The following CFH variants were observed in gnomAD, a reference collection of about 807,000 sequenced individuals.
CFH encodes H factor 1 (complement).
A neutral mutation model predicts 147.3 loss-of-function variants in CFH; 53 were observed. The observed-to-expected ratio is 0.36, with a 90% CI of 0.29 to 0.45. The LOEUF (loss-of-function observed/expected upper bound fraction) is 0.45, where lower values mean the gene tolerates loss of function less well. Ranked by LOEUF, CFH falls within the 20% of genes least tolerant of loss-of-function variation. The pLI, the probability that CFH is intolerant of heterozygous loss-of-function variation, is 1.00. For missense variants in CFH, 1,380 were observed against 1,498.0 expected (o/e 0.92, Z 1.30); for synonymous variants, 536 against 489.4 (o/e 1.10, Z -1.26).
intron 9 of CFH, among the ~76,000 whole-genome samples, chr1:196,702,130 G>T (rs186554992): frequency 1.1e-4 from 17 of 152,252 alleles, no homozygotes; most frequent in African/African-American, 3.6e-4. Flanking sequence ...TGCTATGATG[G>T]TTCAGTTAAA....
chr1:196,741,474 G>C, intron 18 of CFH: 2 of 245,344 alleles, frequency 8.2e-6, no homozygotes, highest in Non-Finnish European at 1.6e-5. Context: ...CAGCATGTGG[G>C]AAACTGCCAC....
intron 1 of CFH, among the ~76,000 whole-genome samples, chr1:196,670,095 G>T (rs1249985453): frequency 6.6e-6 from 1 of 152,172 alleles, no homozygotes; most frequent in African/African-American, 2.4e-5. Flanking sequence ...TGGTCCCTTT[G>T]TTTTAGCCAA....
In CFH at chr1:196,673,179, AT is replaced by A; in HGVS notation, c.244+19del. On this transcript the variant is annotated intron_variant, in intron 2 of 21. Coordinates refer to ENST00000367429, the MANE Select transcript of CFH (RefSeq NM_000186.4). The stretch of plus-strand genomic sequence containing the variant: ...AAATGTCAGAGTAAGTACTTAATAC[AT>A]TTGTGAAATTTATGAAAACTAGGTG... The A allele has an allele frequency of 6.2e-7, 1 of 1,606,178 alleles. No homozygotes were observed. Among genetic ancestry groups the A allele is most frequent in the Non-Finnish European group, 8.5e-7 (1 of 1,173,394 alleles).
intron 6 of CFH, 23 bp downstream of exon 6, chr1:196,679,816 G>A: frequency 6.3e-7 from 1 of 1,597,376 alleles, no homozygotes; most frequent in Non-Finnish European, 8.6e-7. Flanking sequence ...TTATTTTCTG[G>A]ATCTTTATAA....
rs1432097729 is a variant in CFH, at chr1:196,674,319, A to G, written c.350+357A>G. On this transcript the variant is annotated intron_variant, in intron 3 of 21. Coordinates refer to ENST00000367429, the MANE Select transcript of CFH (RefSeq NM_000186.4). Reference sequence around the variant, plus strand: ...ACAATAGGAATTGTAACCAATTTATATTGTATGGTAACTGTTTTGACAGGT... The same window carrying G: ...ACAATAGGAATTGTAACCAATTTATGTTGTATGGTAACTGTTTTGACAGGT... 2.0e-5 allele frequency among the ~76,000 whole-genome samples: 3 copies of G among 152,204 alleles called. No individual in the cohort carries two copies. In the East Asian group the frequency reaches 5.8e-4, roughly 29 times the overall value.
chr1:196,724,126 A>G (rs1458143761), intron 11 of CFH, among the ~76,000 whole-genome samples: 1 of 151,962 alleles, frequency 6.6e-6, no homozygotes, highest in African/African-American at 2.4e-5. Flanking sequence ...CTTTGCCACA[A>G]GGGGTGTTCC....
chr1:196,705,257 G>T (rs1668559346), intron 9 of CFH, among the ~76,000 whole-genome samples: 1 of 151,384 alleles, frequency 6.6e-6, no homozygotes, highest in South Asian at 2.1e-4. Flanking sequence ...CACAAATATT[G>T]AAAAACTCAA....
intron 6 of CFH, 115 bp downstream of exon 6, chr1:196,679,908 CTA>C: frequency 3.1e-6 from 3 of 962,872 alleles, no homozygotes; most frequent in South Asian, 1.6e-5. Flanking sequence ...TGTAAATAAA[CTA>C]TTATAAAAAA....
chr1:196,726,307 T>C (rs1669135519), intron 12 of CFH, among the ~76,000 whole-genome samples, 163 bp from the exon 13 acceptor site: 1 of 152,212 alleles, frequency 6.6e-6, no homozygotes, highest in South Asian at 2.1e-4. Flanking sequence ...CAATTTAGTA[T>C]AAGTAATACA....
At chr1:196,701,221 G>C (rs1668439019) in intron 9 of CFH, 1 of 1,556,486 alleles carries the variant, frequency 6.4e-7, no homozygotes, top group African/African-American at 1.4e-5. Flanking sequence ...AACTCTTCTT[G>C]TTTGGTCAGT....
chr1:196,696,002 C>G (rs559848826), intron 9 of CFH, among the ~76,000 whole-genome samples: 23 of 152,072 alleles, frequency 1.5e-4, no homozygotes, highest in Admixed American at 3.9e-4. Flanking sequence ...ATTTCTTTCT[C>G]TTGCCTGATT....
At chr1:196,743,025 A>G (rs1652865544) in intron 19 of CFH, among the ~76,000 whole-genome samples, 1 of 152,210 alleles carries the variant, frequency 6.6e-6, no homozygotes, top group Admixed American at 6.5e-5. Context: ...TTAAGAGGCT[A>G]AAATGTATAA....
chr1:196,725,249 G>C lies in CFH; in HGVS notation c.1825G>C (p.Val609Leu). 1.2e-6 allele frequency: 2 copies of C among 1,613,890 alleles called. No homozygotes were observed. ...PGFTIVGPNS[V>L]QCYHFGLSPD... ...ATTTACAATAGTTGGACCTAATTCC[G>C]TTCAGTGCTACCACTTTGGATTGTC... The change falls in exon 12 of 22, where the codon GTT becomes CTT. Residue 609 changes from valine to leucine, a missense_variant. Physicochemically the swap from Val to Leu is conservative, Grantham distance 32 (BLOSUM62 1). Around this residue, in one of 4 missense-constraint regions of CFH, gnomAD observed 830 missense variants for 821.4 expected, o/e 1.01. Transcript: ENST00000367429.
chr1:196,655,714 C>T (rs1666662799), intron 1 of CFH, among the ~76,000 whole-genome samples: 1 of 152,140 alleles, frequency 6.6e-6, no homozygotes, highest in African/African-American at 2.4e-5. Flanking sequence ...GAGATTCTGC[C>T]ACCCAATCTA....
At chr1:196,667,232 GT>G (rs1225018165) in intron 1 of CFH, among the ~76,000 whole-genome samples, 3 of 152,132 alleles carry the variant, frequency 2.0e-5, no homozygotes, top group Non-Finnish European at 4.4e-5. Context: ...ACCATGATTT[GT>G]AAAATTTGCT....
At chr1:196,700,874 T>C (rs1428860092) in intron 9 of CFH, 1 of 985,064 alleles carries the variant, frequency 1.0e-6, no homozygotes, top group Non-Finnish European at 1.2e-6. Flanking sequence ...AGAGAAACCA[T>C]TTCTGGTCTC....
chr1:196,723,905 A>G (rs1025336246), intron 11 of CFH, among the ~76,000 whole-genome samples: 1 of 151,930 alleles, frequency 6.6e-6, no homozygotes, highest in African/African-American at 2.4e-5. Flanking sequence ...GCGAGTGACC[A>G]CAGCTATGAA....
At chr1:196,657,689 T>C (rs138138003) in intron 1 of CFH, among the ~76,000 whole-genome samples, 2 of 152,356 alleles carry the variant, frequency 1.3e-5, no homozygotes, top group African/African-American at 4.8e-5. Context: ...TCTGTTTTGT[T>C]CATTTGCTTT....
In CFH at chr1:196,670,025, G is replaced by A. The variant is rs191328931; in HGVS notation, c.59-2953G>A. ...GTGAGACATGGAATCAAAGGGGACT[G>A]TTTTGGAACTTTGAGTTTTAATGAC... is the stretch of plus-strand genomic sequence containing the variant. On this transcript the variant is annotated intron_variant, in intron 1 of 21. Coordinates refer to ENST00000367429, the MANE Select transcript of CFH (RefSeq NM_000186.4). Among the ~76,000 whole-genome samples the A allele has an allele frequency of 9.7e-4, 147 of 152,324 alleles. 1 individual carries two copies. The highest frequency in any genetic ancestry group is 3.4e-3 in the Middle Eastern group (1 of 294).
Sources: allele counts gnomAD v4.1 joint callset (sites outside exome capture counted in the v4.1 genomes callset), GRCh38; gene constraint gnomAD v4.1.1; regional missense constraint gnomAD v4.1.1; transcripts MANE v1.5; gene names NCBI Gene and HGNC (gene_info 2026-07-23, HGNC 2026-07-21).